PPP1R14C: variants seen among roughly 807,000 people sequenced by gnomAD.
PPP1R14C encodes the protein protein phosphatase 1 regulatory subunit 14C.
In PPP1R14C, 16 loss-of-function variants were observed where a neutral mutation model predicts 20.4. The ratio of observed to expected loss-of-function variants is 0.78; its 90% CI spans 0.53 to 1.19. The LOEUF (loss-of-function observed/expected upper bound fraction) is 1.19. PPP1R14C is among the 50% of genes most tolerant of loss of function. The probability of loss-of-function intolerance (pLI) is 0.00; values close to 1 mark genes in which losing one functional copy is unlikely to be tolerated. For synonymous variants in PPP1R14C, 91 were observed against 91.0 expected (o/e 1.00, Z 0.00); for missense variants, 211 against 220.1 (o/e 0.96, Z 0.26).
intron 3 of PPP1R14C, among the ~76,000 whole-genome samples, chr6:150,234,025 G>T (rs1023752525): frequency 4.9e-4 from 75 of 152,234 alleles, no homozygotes; most frequent in African/African-American, 1.8e-3. Context: ...GCAGACATGG[G>T]GAGAGTGTGC....
chr6:150,184,743 C>T (rs749414131), intron 1 of PPP1R14C, among the ~76,000 whole-genome samples: 4 of 152,286 alleles, frequency 2.6e-5, no homozygotes, highest in African/African-American at 4.8e-5. Context: ...GAGCAGCCAC[C>T]GCATGATTTT....
chr6:150,207,649 A>G (rs1053114466), intron 1 of PPP1R14C, among the ~76,000 whole-genome samples: 4 of 152,272 alleles, frequency 2.6e-5, no homozygotes, highest in African/African-American at 9.6e-5. Flanking sequence ...TGAAGATGTA[A>G]GACCTAATAT....
chr6:150,244,823 A>G (rs754193029), intron 3 of PPP1R14C, among the ~76,000 whole-genome samples: 1 of 151,872 alleles, frequency 6.6e-6, no homozygotes, highest in Non-Finnish European at 1.5e-5. Context: ...AATAAATTCT[A>G]TTTTTCACAA....
intron 1 of PPP1R14C, among the ~76,000 whole-genome samples, chr6:150,155,562 C>A (rs1283915955): frequency 6.6e-6 from 1 of 152,190 alleles, no homozygotes; most frequent in Non-Finnish European, 1.5e-5. Flanking sequence ...CATTTCCCCC[C>A]AGATACCTTC....
chr6:150,145,629 T>C (rs1395510938), intron 1 of PPP1R14C, among the ~76,000 whole-genome samples: 1 of 152,238 alleles, frequency 6.6e-6, no homozygotes, highest in Non-Finnish European at 1.5e-5. Flanking sequence ...GAGTAACCTT[T>C]CTTTGTTGAT....
intron 1 of PPP1R14C, among the ~76,000 whole-genome samples, chr6:150,212,803 A>G (rs946386810): frequency 6.6e-6 from 1 of 152,188 alleles, no homozygotes; most frequent in Admixed American, 6.5e-5. Context: ...CGTTGCCTAC[A>G]TTATTCCGTA....
intron 1 of PPP1R14C, among the ~76,000 whole-genome samples, chr6:150,172,554 T>A (rs1221153062): frequency 1.3e-5 from 2 of 152,198 alleles, no homozygotes; most frequent in Non-Finnish European, 2.9e-5. Flanking sequence ...TGTGACTTAC[T>A]CAATTCATCA....
chr6:150,195,788 T>G (rs1777797437), intron 1 of PPP1R14C: 1 of 974,458 alleles, frequency 1.0e-6, no homozygotes, highest in Admixed American at 6.2e-5. Flanking sequence ...AACTTTCTCA[T>G]CTTCCCAAAC....
chr6:150,157,885 C>T (rs1169002664), intron 1 of PPP1R14C, among the ~76,000 whole-genome samples: 1 of 152,192 alleles, frequency 6.6e-6, no homozygotes. Flanking sequence ...CTTAAAGTTT[C>T]CACCTCCCAA....
intron 1 of PPP1R14C, among the ~76,000 whole-genome samples, chr6:150,147,279 A>G (rs1440578215): frequency 2.1e-5 from 3 of 140,634 alleles, no homozygotes; most frequent in Non-Finnish European, 2.9e-5. Context: ...TCCTGGGTTC[A>G]AACGATTCTC....
Position 150,248,887 on chromosome 6 carries a change from C to T in PPP1R14C, c.*67C>T, listed in dbSNP as rs1778525957. On this transcript the variant is annotated 3_prime_UTR_variant, in exon 4 of 4. Transcript: ENST00000361131. The stretch of plus-strand genomic sequence containing the variant: ...TCCTGGGATTTGTACTTCATGAAGA[C>T]TTTTGTGAAAGAATAGGTGTCCTTA... The T allele has an allele frequency of 2.9e-6, 3 of 1,017,440 alleles. No individual in the cohort carries two copies. The highest frequency in any genetic ancestry group is 1.7e-5 in the South Asian group (1 of 59,622). 63.0% of individuals were successfully genotyped at this position (1,017,440 alleles called of 1,614,324 possible).
intron 3 of PPP1R14C, among the ~76,000 whole-genome samples, chr6:150,220,249 T>C (rs117178396): frequency 0.013 from 2,027 of 152,308 alleles, 13 homozygotes; most frequent in Middle Eastern, 0.031. Context: ...AGGGGATGGC[T>C]CCTCAAAAAT....
chr6:150,156,344 T>C (rs1777306131), intron 1 of PPP1R14C, among the ~76,000 whole-genome samples: 1 of 141,098 alleles, frequency 7.1e-6, no homozygotes, highest in Non-Finnish European at 1.6e-5. Flanking sequence ...TTTTTCTAAA[T>C]ACAATGTAAA....
In PPP1R14C at chr6:150,143,711, T is replaced by TG. The variant is rs1200279523; in HGVS notation, c.306+214dup. 6.6e-6 allele frequency among the ~76,000 whole-genome samples: 1 copy of TG among 152,114 alleles called. No homozygotes were observed. The highest frequency in any genetic ancestry group is 3.2e-3 in the Middle Eastern group (1 of 316). On this transcript the variant is annotated intron_variant, in intron 1 of 3. Transcript: ENST00000361131. This position sits in a 1 kb window ranked among gnomAD's most constrained non-coding sequence, Gnocchi z 5.6. Reference sequence around the variant, plus strand: ...GCCCCTGTCTGGGTTCGGCTGCCGGTGCCCGGGGATCTGCGGGCCCCCTTG... The same window carrying TG: ...GCCCCTGTCTGGGTTCGGCTGCCGGTGGCCCGGGGATCTGCGGGCCCCCTTG...
At chr6:150,189,558 T>TA (rs1297647306) in intron 1 of PPP1R14C, among the ~76,000 whole-genome samples, 1 of 151,804 alleles carries the variant, frequency 6.6e-6, no homozygotes, top group Non-Finnish European at 1.5e-5. Context: ...GCTTTTTTTT[T>TA]TTGTGGAAGA....
chr6:150,243,188 T>TC (rs1035474632), intron 3 of PPP1R14C, among the ~76,000 whole-genome samples: 3 of 150,824 alleles, frequency 2.0e-5, no homozygotes, highest in Non-Finnish European at 4.4e-5. Flanking sequence ...TTTTTTTTTT[T>TC]TTTTTGAGAT....
intron 1 of PPP1R14C, among the ~76,000 whole-genome samples, chr6:150,174,202 A>G (rs981967436): frequency 1.3e-5 from 2 of 152,118 alleles, no homozygotes; most frequent in Admixed American, 1.3e-4. Flanking sequence ...TAACTTACCC[A>G]TACTTCTTGG....
intron 3 of PPP1R14C, among the ~76,000 whole-genome samples, chr6:150,231,461 T>C (rs1778295173): frequency 1.3e-5 from 2 of 152,250 alleles, no homozygotes; most frequent in Non-Finnish European, 2.9e-5. Flanking sequence ...CCTGGGCCGG[T>C]TGACACTTTG....
At chr6:150,196,453 C>CTT (rs59863369) in intron 1 of PPP1R14C, among the ~76,000 whole-genome samples, 3,066 of 146,788 alleles carry the variant, frequency 0.021, 59 homozygotes, top group African/African-American at 0.045. Context: ...CTTCTAAGGA[C>CTT]TTTTTTTTTT....
Sources: allele counts gnomAD v4.1 joint callset (sites outside exome capture counted in the v4.1 genomes callset), GRCh38; gene constraint gnomAD v4.1.1; non-coding constraint Gnocchi (gnomAD v3.1); transcripts MANE v1.5; gene names NCBI Gene and HGNC (gene_info 2026-07-23, HGNC 2026-07-21).